CFAP92: variants seen among roughly 807,000 people sequenced by gnomAD.
The protein encoded by CFAP92 is cilia and flagella associated protein 92 (putative), also known as uncharacterized protein CFAP92.
Under a neutral mutation model 106.3 loss-of-function variants are expected in CFAP92, and 86 were observed. The ratio of observed to expected loss-of-function variants is 0.81; its 90% CI spans 0.68 to 0.97. The LOEUF (loss-of-function observed/expected upper bound fraction) is 0.97, where lower values mean the gene tolerates loss of function less well. Among genes scored for constraint, CFAP92 ranks in the 50% least tolerant of loss-of-function variants. The probability of loss-of-function intolerance (pLI) is 0.00; values close to 1 mark genes in which losing one functional copy is unlikely to be tolerated. For synonymous variants in CFAP92, 477 were observed against 506.4 expected, an observed-to-expected ratio of 0.94 and a Z score of 0.78; for missense variants, 1,204 against 1,283.8, an observed-to-expected ratio of 0.94 and a Z score of 0.95.
intron 7 of CFAP92, among the ~76,000 whole-genome samples, chr3:128,975,537 T>C (rs1943097033): frequency 6.6e-6 from 1 of 150,828 alleles, no homozygotes; most frequent in South Asian, 2.1e-4. Context: ...GATGGATGAA[T>C]AGAGATGGAT....
At chr3:128,920,219 C>T (rs893975458) in intron 12 of CFAP92, among the ~76,000 whole-genome samples, 4 of 152,192 alleles carry the variant, frequency 2.6e-5, no homozygotes, top group Admixed American at 2.0e-4. Flanking sequence ...GCCTAACCAA[C>T]ATGGTGAAAC....
intron 9 of CFAP92, among the ~76,000 whole-genome samples, chr3:128,946,461 G>A (rs1173960268): frequency 6.6e-6 from 1 of 152,114 alleles, no homozygotes; most frequent in Non-Finnish European, 1.5e-5. Context: ...GAGAGGTCTG[G>A]GCCTCAGAGA....
chr3:128,930,211 C>T (rs958701974), intron 12 of CFAP92, among the ~76,000 whole-genome samples: 3 of 151,982 alleles, frequency 2.0e-5, no homozygotes, highest in Admixed American at 6.6e-5. Flanking sequence ...AGTGCAGTGG[C>T]GTGAATTTGG....
upstream of CFAP92, among the ~76,000 whole-genome samples, chr3:128,997,009 C>T (rs1944504907): frequency 6.6e-6 from 1 of 152,222 alleles, no homozygotes; most frequent in Non-Finnish European, 1.5e-5. Context: ...GGAACCAGCA[C>T]CATGTCACTC....
chr3:128,931,193 C>T (rs900929503), intron 12 of CFAP92, among the ~76,000 whole-genome samples: 1 of 151,918 alleles, frequency 6.6e-6, no homozygotes, highest in South Asian at 2.1e-4. Flanking sequence ...GCATTAGGCA[C>T]TGTGCCGCAT....
chr3:128,948,810 G>A lies in CFAP92; in HGVS notation c.1354-2835C>T, dbSNP rs139772708. ...CTCCCAAAGTGTTGGGATTACAGGC[G>A]TGAGCCACCGTGCCCAGCCTAGAAT... On this transcript the variant is annotated intron_variant, in intron 9 of 15. Transcript: ENST00000645291. 6.7e-4 allele frequency among the ~76,000 whole-genome samples: 102 copies of A among 152,220 alleles called. 1 individual carries two copies. Among genetic ancestry groups the A allele is most frequent in the African/African-American group, 2.3e-3 (95 of 41,528 alleles).
the CFAP92 span, among the ~76,000 whole-genome samples, chr3:129,009,559 A>G: frequency 1.8e-3 from 267 of 152,334 alleles, 1 homozygote; most frequent in African/African-American, 6.0e-3. Context: ...TGATGCTCTG[A>G]CTGGCCAAAC....
At chr3:129,024,894 G>A in the CFAP92 span, among the ~76,000 whole-genome samples, 1 of 152,168 alleles carries the variant, frequency 6.6e-6, no homozygotes, top group Non-Finnish European at 1.5e-5. Flanking sequence ...TGACATTTTT[G>A]TTGGGGTGGG....
intron 10 of CFAP92, among the ~76,000 whole-genome samples, chr3:128,942,665 C>T (rs1375622345): frequency 1.3e-5 from 2 of 150,192 alleles, no homozygotes; most frequent in African/African-American, 2.5e-5. Flanking sequence ...TTGCTACACA[C>T]CACAAAACTC....
chr3:128,975,165 T>C (rs1943066696), intron 7 of CFAP92, among the ~76,000 whole-genome samples: 1 of 152,142 alleles, frequency 6.6e-6, no homozygotes, highest in African/African-American at 2.4e-5. Flanking sequence ...ATACTTTATC[T>C]TTCAAGGAGA....
chr3:128,993,096 G>A lies in CFAP92; in HGVS notation c.209C>T (p.Pro70Leu), dbSNP rs957757473. 5 of 1,613,972 alleles carry A rather than the reference G, an allele frequency of 3.1e-6. No homozygotes were observed. The highest frequency in any genetic ancestry group is 1.7e-5 in the Admixed American group (1 of 60,012). Reference sequence around the variant, plus strand: ...GGTGAATTTGCAGGGGACCACGTGGGGCACGTCGGAGCTGAAAGTGCTGGC... The same window carrying A: ...GGTGAATTTGCAGGGGACCACGTGGAGCACGTCGGAGCTGAAAGTGCTGGC... ...EPASTFSSDVPHVVPCKFTIS... is the reference protein window; with the variant it reads ...EPASTFSSDVLHVVPCKFTIS... The change falls in exon 2 of 16, where the codon CCC (proline) becomes CTC (leucine). Residue 70 changes from proline (P) to leucine (L), a missense_variant. Coordinates refer to ENST00000645291, the MANE Select transcript of CFAP92 (RefSeq NM_001394090.1).
At position 128,926,076 on chromosome 3, in the gene CFAP92, T is replaced by A. The variant is rs527239075; in HGVS notation, c.2751+6624A>T. On this transcript the variant is annotated intron_variant, in intron 12 of 15. Transcript: ENST00000645291. ...ACTCATTTGAATAAAAGTAAAACAC[T>A]GTCAATTAGAAAAATACAACTAGAT... 1.4e-4 allele frequency among the ~76,000 whole-genome samples: 21 copies of A among 152,288 alleles called. 1 individual carries two copies. In the South Asian group the frequency reaches 4.4e-3, roughly 32 times the overall value.
At chr3:128,962,256 C>T (rs1343768725) in intron 9 of CFAP92, among the ~76,000 whole-genome samples, 1 of 152,204 alleles carries the variant, frequency 6.6e-6, no homozygotes, top group South Asian at 2.1e-4. Context: ...AAGGTAAGCC[C>T]GTCCCCTTCT....
At chr3:129,001,239 C>T (rs963463805) in intron 1 of CFAP92, among the ~76,000 whole-genome samples, 11 of 152,230 alleles carry the variant, frequency 7.2e-5, no homozygotes, top group African/African-American at 2.4e-4. Context: ...CTCTCCGCGC[C>T]AGGCGGGCGG....
At chr3:129,013,881 C>T in the CFAP92 span, among the ~76,000 whole-genome samples, 1 of 152,168 alleles carries the variant, frequency 6.6e-6, no homozygotes, top group African/African-American at 2.4e-5. Context: ...CCCCCTGAGC[C>T]GGGCAGAGGA....
At chr3:128,961,819 T>G (rs948848565) in intron 9 of CFAP92, among the ~76,000 whole-genome samples, 3 of 152,224 alleles carry the variant, frequency 2.0e-5, no homozygotes, top group Non-Finnish European at 2.9e-5. Context: ...AGGATTGAAT[T>G]AACCTCTCCT....
intron 12 of CFAP92, among the ~76,000 whole-genome samples, chr3:128,917,417 C>A (rs2107680229): frequency 6.6e-6 from 1 of 152,246 alleles, no homozygotes; most frequent in South Asian, 2.1e-4. Flanking sequence ...TGACCTAATG[C>A]TTATTACAGG....
chr3:128,995,637 G>T (rs1442191046), upstream of CFAP92, among the ~76,000 whole-genome samples: 2 of 152,176 alleles, frequency 1.3e-5, no homozygotes, highest in Non-Finnish European at 2.9e-5. Flanking sequence ...TCCCTCCAAA[G>T]GTTCCTAGAT....
At chr3:129,001,179 T>C (rs999127286) in intron 1 of CFAP92, among the ~76,000 whole-genome samples, 2 of 152,150 alleles carry the variant, frequency 1.3e-5, no homozygotes, top group Non-Finnish European at 2.9e-5. Flanking sequence ...CCCAAGGCCC[T>C]CCTGGGCTTC....
Sources: allele counts gnomAD v4.1 joint callset (sites outside exome capture counted in the v4.1 genomes callset), GRCh38; gene constraint gnomAD v4.1.1; transcripts MANE v1.5; gene names NCBI Gene and HGNC (gene_info 2026-07-23, HGNC 2026-07-21).